The following DUSP10 variants were observed in gnomAD, a reference collection of about 807,000 sequenced individuals.
The protein encoded by DUSP10 is dual specificity protein phosphatase 10.
In DUSP10, 14 loss-of-function variants were observed where a neutral mutation model predicts 30.8. The ratio of observed to expected loss-of-function variants is 0.46; its 90% CI spans 0.30 to 0.71. DUSP10 has a LOEUF of 0.71. DUSP10 is among the 30% of genes least tolerant of loss of function. The pLI, the probability that DUSP10 is intolerant of heterozygous loss-of-function variation, is 0.08. For missense variants in DUSP10, 550 were observed against 619.4 expected (o/e 0.89, Z 1.19); for synonymous variants, 254 against 250.4 (o/e 1.01, Z -0.14).
chr1:221,726,560 G>T (rs1661430667), intron 2 of DUSP10, among the ~76,000 whole-genome samples: 1 of 152,018 alleles, frequency 6.6e-6, no homozygotes, highest in Non-Finnish European at 1.5e-5. Flanking sequence ...AGTCAGGGCG[G>T]GATTAGTAAT....
chr1:221,707,641 ATGTTCACTACAATGTTATC>A, intron 2 of DUSP10, among the ~76,000 whole-genome samples: 1 of 152,324 alleles, frequency 6.6e-6, no homozygotes, highest in East Asian at 1.9e-4. Flanking sequence ...ATATATGGAG[ATGTTCACTACAATGTTATC>A]TGTTTTATAT....
In DUSP10 at chr1:221,739,534, G is replaced by C; in HGVS notation, c.211C>G (p.Leu71Val). The change falls in exon 2 of 4, where the codon CTG (leucine) becomes GTG (valine). Residue 71 changes from leucine to valine, a missense_variant. Transcript: ENST00000366899. ...MPSSSGSARS[L>V]NCGCSSASCC... is the part of the protein sequence containing the mutation. The stretch of plus-strand genomic sequence containing the variant: ...CTGGCACTGCTGCATCCACAATTCA[G>C]CGAGCGGGCAGAGCCGCTGGATGAG... 6.2e-7 allele frequency: 1 copy of C among 1,614,186 alleles called. No individual in the cohort carries two copies. Among genetic ancestry groups the C allele is most frequent in the South Asian group, 1.1e-5 (1 of 91,080 alleles).
chr1:221,740,017 A>T (rs1006051820), intron 1 of DUSP10, among the ~76,000 whole-genome samples: 7 of 152,216 alleles, frequency 4.6e-5, no homozygotes, highest in Non-Finnish European at 8.8e-5. Flanking sequence ...TTTGGATGTA[A>T]TGTTGTAAAT....
rs566943907 is a variant in DUSP10, at chr1:221,732,424, A to G, written c.811+6510T>C. Among the ~76,000 whole-genome samples the G allele has an allele frequency of 5.4e-4, 83 of 152,328 alleles. 1 individual carries two copies. The South Asian group carries it at 0.016, about 29-fold the overall frequency. On this transcript the variant is annotated intron_variant, in intron 2 of 3. Coordinates refer to ENST00000366899, the MANE Select transcript of DUSP10 (RefSeq NM_007207.6). Reference sequence around the variant, plus strand: ...ATCCAGGTAAATATATAGACCATGAACTGCTGGTTTTGAAAGTCCTCAGAC... The same window carrying G: ...ATCCAGGTAAATATATAGACCATGAGCTGCTGGTTTTGAAAGTCCTCAGAC...
intron 1 of DUSP10, among the ~76,000 whole-genome samples, chr1:221,741,198 A>G (rs1466298833): frequency 6.6e-6 from 1 of 151,742 alleles, no homozygotes; most frequent in African/African-American, 2.4e-5. Flanking sequence ...GAAGGAGTCA[A>G]CCCCCCTTCC....
At chr1:221,736,744 T>C in intron 2 of DUSP10, 1 of 915,034 alleles carries the variant, frequency 1.1e-6, no homozygotes, top group Non-Finnish European at 1.3e-6. Flanking sequence ...ATGATAATTA[T>C]AAAGTAGAAT....
chr1:221,719,108 A>G (rs1345280590), intron 2 of DUSP10, among the ~76,000 whole-genome samples: 1 of 152,220 alleles, frequency 6.6e-6, no homozygotes, highest in Non-Finnish European at 1.5e-5. Flanking sequence ...ATAACTGTGT[A>G]TTTCAGTAGG....
chr1:221,736,454 T>C (rs1478262465), intron 2 of DUSP10, among the ~76,000 whole-genome samples: 1 of 152,116 alleles, frequency 6.6e-6, no homozygotes, highest in Non-Finnish European at 1.5e-5. Context: ...TGAAACACAA[T>C]CTTATCACCA....
intron 2 of DUSP10, chr1:221,737,471 C>T: frequency 1.0e-6 from 1 of 985,172 alleles, no homozygotes; most frequent in South Asian, 4.7e-5. Context: ...AATACAGAAA[C>T]AATAAAATAC....
chr1:221,716,585 T>G (rs1661113780), intron 2 of DUSP10, among the ~76,000 whole-genome samples: 1 of 152,170 alleles, frequency 6.6e-6, no homozygotes, highest in Non-Finnish European at 1.5e-5. Context: ...CTAACAAAAA[T>G]GCCAACTAAA....
In DUSP10 at chr1:221,702,141, A is replaced by T. The variant is rs1463852466; in HGVS notation, c.*271T>A. 1 of 410,562 alleles carries T rather than the reference A, an allele frequency of 2.4e-6. No homozygotes were observed. 25.4% of individuals were successfully genotyped at this position (410,562 alleles called of 1,614,324 possible). A position where few individuals can be genotyped will look rare whatever the true frequency, so the allele number is the denominator to read the frequency against. ...AATAGCTTAAAAGGAAAAGGGGGAG[A>T]AACAAGTTGTATTATATTTTTATTG... On this transcript the variant is annotated 3_prime_UTR_variant, in exon 4 of 4. Coordinates refer to ENST00000366899, the MANE Select transcript of DUSP10 (RefSeq NM_007207.6). The surrounding 1 kb of genome is among the most constrained non-coding windows in gnomAD (Gnocchi z 4.5).
intron 2 of DUSP10, among the ~76,000 whole-genome samples, chr1:221,719,388 C>T (rs966283809): frequency 4.6e-5 from 7 of 152,102 alleles, no homozygotes; most frequent in African/African-American, 1.7e-4. Context: ...TCACACCGTA[C>T]CATGAGGGCT....
rs146465345 is a variant in DUSP10 at position 221,724,749 on chromosome 1, A to G, written c.811+14185T>C. On this transcript the variant is annotated intron_variant, in intron 2 of 3. Transcript: ENST00000366899. ...TGTGCATGCACATGGAGGGGTAGTG[A>G]CCAATGACTAAAATCTACGGTGCTA... Among the ~76,000 whole-genome samples the G allele has an allele frequency of 6.6e-5, 10 of 152,340 alleles. No individual in the cohort carries two copies. The East Asian group carries it at 1.7e-3, about 26-fold the overall frequency.
chr1:221,718,276 A>G (rs1351238956), intron 2 of DUSP10, among the ~76,000 whole-genome samples: 1 of 152,150 alleles, frequency 6.6e-6, no homozygotes, highest in Non-Finnish European at 1.5e-5. Context: ...CATTAGATAT[A>G]TGCCCTTTCA....
intron 2 of DUSP10, among the ~76,000 whole-genome samples, chr1:221,727,940 C>T (rs906802085): frequency 6.6e-6 from 1 of 152,062 alleles, no homozygotes; most frequent in African/African-American, 2.4e-5. Flanking sequence ...GTCACTGTAG[C>T]AGTATTAAAA....
Position 221,739,451 on chromosome 1 carries a change from G to A in DUSP10, c.294C>T (p.Ala98=), listed in dbSNP as rs770023650. The change falls in exon 2 of 4, where the codon GCC becomes GCT. Residue 98 remains alanine, a synonymous_variant. Transcript: ENST00000366899. ...CGATGGCAGTGGTGGTGGTGCCAGC[G>A]GCAATGGCTTGGGTTTGGGCCTGAT... ...KDNQAQTQAI[A]AGTTTTAIGT... The A allele has an allele frequency of 8.7e-6, 14 of 1,614,068 alleles. No homozygotes were observed. Among genetic ancestry groups the A allele is most frequent in the Admixed American group, 3.3e-5 (2 of 60,000 alleles).
intron 2 of DUSP10, among the ~76,000 whole-genome samples, chr1:221,728,589 C>G (rs981404095): frequency 2.0e-5 from 3 of 152,176 alleles, no homozygotes; most frequent in Non-Finnish European, 2.9e-5. Context: ...GTTCACTTAT[C>G]CCTGATAACT....
At chr1:221,734,688 G>A (rs527236940) in intron 2 of DUSP10, among the ~76,000 whole-genome samples, 1 of 152,176 alleles carries the variant, frequency 6.6e-6, no homozygotes, top group African/African-American at 2.4e-5. Context: ...CTAGTTAGAG[G>A]GGAGCCAAGG....
At chr1:221,709,334 G>C (rs1024882029) in intron 2 of DUSP10, among the ~76,000 whole-genome samples, 4 of 151,898 alleles carry the variant, frequency 2.6e-5, no homozygotes, top group African/African-American at 7.3e-5. Flanking sequence ...GTGGCGGAGT[G>C]GGGGGAGGAG....
Sources: allele counts gnomAD v4.1 joint callset (sites outside exome capture counted in the v4.1 genomes callset), GRCh38; gene constraint gnomAD v4.1.1; non-coding constraint Gnocchi (gnomAD v3.1); transcripts MANE v1.5; gene names NCBI Gene and HGNC (gene_info 2026-07-23, HGNC 2026-07-21).